The following ANO3 variants were observed in gnomAD, a reference collection of about 807,000 sequenced individuals.
The protein encoded by ANO3 is anoctamin-3.
A neutral mutation model predicts 144.8 loss-of-function variants in ANO3; 99 were observed. The ratio of observed to expected loss-of-function variants is 0.68; its 90% CI spans 0.58 to 0.81. The LOEUF is 0.81. Among genes scored for constraint, ANO3 ranks in the 30% least tolerant of loss-of-function variants. ANO3 has a pLI of 0.00. For synonymous variants in ANO3, 414 were observed against 392.6 expected (o/e 1.05, Z -0.64); for missense variants, 905 against 1,202.2 (o/e 0.75, Z 3.66).
chr11:26,411,444 C>A lies in ANO3; in HGVS notation c.47-30474C>A, dbSNP rs536831908. ...ATTAATTTTCTGAAGGCATGCCAGT[C>A]ATAATGCAAATATTAGATAGTATAG... On this transcript the variant is annotated intron_variant, in intron 1 of 26. Coordinates refer to ENST00000256737, the MANE Select transcript of ANO3 (RefSeq NM_031418.4). 1.4e-4 allele frequency among the ~76,000 whole-genome samples: 21 copies of A among 151,990 alleles called. No individual in the cohort carries two copies. The East Asian group carries it at 3.5e-3, about 25-fold the overall frequency.
intron 1 of ANO3, among the ~76,000 whole-genome samples, chr11:26,370,333 A>C (rs1311683266): frequency 6.6e-6 from 1 of 152,112 alleles, no homozygotes; most frequent in East Asian, 1.9e-4. Flanking sequence ...CCCTTCCACA[A>C]TGATTATAAG....
intron 1 of ANO3, among the ~76,000 whole-genome samples, chr11:26,226,889 G>GT (rs761971397): frequency 1.3e-5 from 2 of 152,062 alleles, no homozygotes; most frequent in East Asian, 1.9e-4. Context: ...CATTTCCAGA[G>GT]TTTTTTTATT....
intron 1 of ANO3, among the ~76,000 whole-genome samples, chr11:26,393,285 A>G (rs1239944081): frequency 6.6e-6 from 1 of 152,096 alleles, no homozygotes; most frequent in Non-Finnish European, 1.5e-5. Flanking sequence ...AGTATATACT[A>G]CAGTACCAAG....
At chr11:26,369,915 A>G (rs1856201784) in intron 1 of ANO3, among the ~76,000 whole-genome samples, 1 of 152,182 alleles carries the variant, frequency 6.6e-6, no homozygotes. Flanking sequence ...CCTGCTGAGT[A>G]TACAAAAAGG....
chr11:26,340,832 T>C lies in ANO3; in HGVS notation c.46+8511T>C, dbSNP rs145668721. Among the ~76,000 whole-genome samples the C allele has an allele frequency of 2.4e-4, 36 of 152,354 alleles. 1 individual carries two copies. The East Asian group carries it at 6.8e-3, about 29-fold the overall frequency. On this transcript the variant is annotated intron_variant, in intron 1 of 26. Transcript: ENST00000256737. Reference sequence around the variant, plus strand: ...TTAAGGTTTTGTTAAGGTTCCTAAATGGCATTGGCTGTCTTGTCTTGTTTA... The same window carrying C: ...TTAAGGTTTTGTTAAGGTTCCTAAACGGCATTGGCTGTCTTGTCTTGTTTA...
At chr11:26,247,759 C>A (rs1852830594) in intron 1 of ANO3, among the ~76,000 whole-genome samples, 1 of 112,574 alleles carries the variant, frequency 8.9e-6, no homozygotes, top group African/African-American at 3.3e-5. Flanking sequence ...GACGGAGTCT[C>A]ACACTGTCGT....
chr11:26,267,974 G>A (rs1332185321), intron 1 of ANO3, among the ~76,000 whole-genome samples: 2 of 152,026 alleles, frequency 1.3e-5, no homozygotes, highest in Non-Finnish European at 2.9e-5. Flanking sequence ...GTGAATAAGA[G>A]CAAAATTTAA....
At chr11:26,331,475 G>C (rs913246692), upstream of ANO3, 1 of 152,122 alleles carries the variant, frequency 6.6e-6, no homozygotes, top group Non-Finnish European at 1.5e-5. Context: ...TTGTTGCTCT[G>C]ATCTTAAGTT....
At chr11:26,555,491 A>G (rs968836223) in intron 13 of ANO3, among the ~76,000 whole-genome samples, 11 of 152,180 alleles carry the variant, frequency 7.2e-5, no homozygotes, top group African/African-American at 2.4e-4. Flanking sequence ...GTCATCATGC[A>G]GTAAATACAT....
At chr11:26,546,948 T>C (rs1849804847) in intron 11 of ANO3, among the ~76,000 whole-genome samples, 1 of 151,874 alleles carries the variant, frequency 6.6e-6, no homozygotes, top group African/African-American at 2.4e-5. Context: ...TTGAGGAAGA[T>C]GTGACATAAT....
intron 1 of ANO3, among the ~76,000 whole-genome samples, chr11:26,272,013 C>T (rs1853450108): frequency 6.6e-6 from 1 of 151,978 alleles, no homozygotes; most frequent in Admixed American, 6.6e-5. Context: ...CCAGTTCCTG[C>T]TGCTAGTGTG....
chr11:26,643,382 T>C (rs768700626), intron 23 of ANO3, 48 bp downstream of exon 23: 1 of 1,602,132 alleles, frequency 6.2e-7, no homozygotes, highest in African/African-American at 1.3e-5. Context: ...CACCAATAGG[T>C]TGCTATGGTT....
intron 14 of ANO3, 96 bp downstream of exon 14, chr11:26,559,875 C>G (rs545476571): frequency 3.8e-6 from 3 of 786,934 alleles, no homozygotes; most frequent in Non-Finnish European, 6.3e-6. Flanking sequence ...CACACACACA[C>G]CATGAATCAA....
chr11:26,542,497 C>T (rs1264228746), intron 11 of ANO3, among the ~76,000 whole-genome samples: 1 of 151,968 alleles, frequency 6.6e-6, no homozygotes, highest in East Asian at 1.9e-4. Flanking sequence ...TCTAGTACCT[C>T]CTGGCTCAAC....
At chr11:26,205,762 GA>G (rs770479551) in intron 1 of ANO3, among the ~76,000 whole-genome samples, 47 of 152,176 alleles carry the variant, frequency 3.1e-4, no homozygotes, top group Non-Finnish European at 2.6e-4. Flanking sequence ...GCAGTTGAAT[GA>G]AAGCTACTAA....
Position 26,662,617 on chromosome 11 carries a change from G to C in ANO3, c.*2173G>C, listed in dbSNP as rs1853912748. The C allele has an allele frequency of 6.6e-6, 1 of 151,712 alleles. No individual in the cohort carries two copies. The highest frequency in any genetic ancestry group is 1.5e-5 in the Non-Finnish European group (1 of 67,922). 9.4% of individuals were successfully genotyped at this position (151,712 alleles called of 1,614,324 possible). ...TCCCGTTAGGGTTTAAAACCATATTGATCAACTAGAAAGAAAAATATGAAA... is the reference window on the plus strand; with the variant it reads ...TCCCGTTAGGGTTTAAAACCATATTCATCAACTAGAAAGAAAAATATGAAA... On this transcript the variant is annotated 3_prime_UTR_variant, in exon 27 of 27. Transcript: ENST00000256737.
chr11:26,388,194 T>C (rs1431218333), intron 1 of ANO3, among the ~76,000 whole-genome samples: 1 of 151,702 alleles, frequency 6.6e-6, no homozygotes. Context: ...TATGGTCTAT[T>C]ATGTCCTATA....
chr11:26,652,450 C>T (rs1853562554), intron 24 of ANO3, among the ~76,000 whole-genome samples: 1 of 152,112 alleles, frequency 6.6e-6, no homozygotes, highest in Admixed American at 6.6e-5. Flanking sequence ...CTGCCTCCTC[C>T]AAGTTCCTAG....
At chr11:26,390,885 G>C (rs1034249184) in intron 1 of ANO3, among the ~76,000 whole-genome samples, 1 of 152,056 alleles carries the variant, frequency 6.6e-6, no homozygotes, top group East Asian at 1.9e-4. Flanking sequence ...ATTAGGGCAA[G>C]TTCCATAACC....
Sources: gnomAD v4.1 joint callset for allele counts (sites outside exome capture counted in the v4.1 genomes callset) on GRCh38, gnomAD v4.1.1 for gene constraint, MANE v1.5 for transcripts, NCBI Gene and HGNC (gene_info 2026-07-23, HGNC 2026-07-21) for gene names.